RARB: variants seen among roughly 807,000 people sequenced by gnomAD.
RARB encodes retinoic acid receptor beta.
RARB carries 17 observed loss-of-function variants against 51.9 expected under a neutral mutation model. That is an observed-to-expected ratio of 0.33 (90% CI 0.22 to 0.49). The LOEUF (loss-of-function observed/expected upper bound fraction) is 0.49, where lower values mean the gene tolerates loss of function less well. Ranked by LOEUF, RARB falls within the 20% of genes least tolerant of loss-of-function variation. RARB has a pLI of 0.99. For synonymous variants in RARB, 215 were observed against 195.4 expected (o/e 1.10, Z -0.84); for missense variants, 369 against 550.8 (o/e 0.67, Z 3.30).
chr3:25,247,619 C>T (rs551848372), intron 5 of RARB, among the ~76,000 whole-genome samples: 2 of 152,326 alleles, frequency 1.3e-5, no homozygotes, highest in South Asian at 2.1e-4. Flanking sequence ...CAATGCCCCA[C>T]CCTGCTTCTG....
intron 3 of RARB, among the ~76,000 whole-genome samples, chr3:25,068,206 A>T (rs1011811767): frequency 2.1e-5 from 3 of 142,388 alleles, no homozygotes; most frequent in Admixed American, 7.3e-5. Flanking sequence ...ACAGTCAAAA[A>T]ATCTGTCCCC....
intron 5 of RARB, among the ~76,000 whole-genome samples, chr3:25,399,197 T>G (rs2125493045): frequency 6.6e-6 from 1 of 152,354 alleles, no homozygotes; most frequent in African/African-American, 2.4e-5. Context: ...CCCCCTGGGC[T>G]TGCTGGCTTT....
chr3:25,246,995 G>A (rs167734), intron 5 of RARB, among the ~76,000 whole-genome samples: 32,790 of 152,204 alleles, frequency 0.22, 4,061 homozygotes, highest in African/African-American at 0.34. Flanking sequence ...TAGGGCTGCT[G>A]CCTTTCTTTC....
At chr3:25,269,988 A>G (rs1190312008) in intron 5 of RARB, among the ~76,000 whole-genome samples, 2 of 152,182 alleles carry the variant, frequency 1.3e-5, no homozygotes, top group Non-Finnish European at 2.9e-5. Context: ...TATGGCTATT[A>G]TTTGGGGGGC....
At chr3:25,196,840 G>T (rs542816128) in intron 5 of RARB, among the ~76,000 whole-genome samples, 1 of 152,060 alleles carries the variant, frequency 6.6e-6, no homozygotes, top group Non-Finnish European at 1.5e-5. Context: ...GCATTTTTTC[G>T]TGTGTCTTTT....
intron 2 of RARB, among the ~76,000 whole-genome samples, chr3:25,002,760 G>GTATATA (rs1043612962): frequency 1.4e-5 from 2 of 144,938 alleles, no homozygotes; most frequent in African/African-American, 5.2e-5. Context: ...GTGTGTGTGT[G>GTATATA]TATATATATA....
rs1029400412 is a variant in RARB, at chr3:25,428,387, G to C, written c.-345G>C. 8.0e-7 allele frequency: 1 copy of C among 1,257,002 alleles called. No individual in the cohort carries two copies. Among genetic ancestry groups the C allele is most frequent in the African/African-American group, 1.5e-5 (1 of 65,174 alleles). The allele number at this position is 1,257,002 out of a possible 1,614,324, so 77.9% of individuals were successfully genotyped here. A position where few individuals can be genotyped will look rare whatever the true frequency, so the allele number is the denominator to read the frequency against. ...GGGATGCCGAGAACGCGAGCGATCC[G>C]AGCAGGGTTTGTCTGGGCACCGTCG... On this transcript the variant is annotated 5_prime_UTR_variant, in exon 1 of 8. Transcript: ENST00000330688.
At chr3:24,925,655 T>TA (rs34972309) in intron 2 of RARB, among the ~76,000 whole-genome samples, 3,965 of 104,730 alleles carry the variant, frequency 0.038, 97 homozygotes, top group Middle Eastern at 0.052. Flanking sequence ...TTTTTTTTTT[T>TA]AAAAAAAAAA....
intron 1 of RARB, among the ~76,000 whole-genome samples, chr3:24,857,536 T>TG (rs1266378740): frequency 2.6e-5 from 4 of 152,260 alleles, no homozygotes; most frequent in Non-Finnish European, 5.9e-5. Context: ...AAGATGTATT[T>TG]GCTCTTTACC....
chr3:24,987,664 T>G (rs532677787), intron 2 of RARB, among the ~76,000 whole-genome samples: 1 of 152,354 alleles, frequency 6.6e-6, no homozygotes, highest in South Asian at 2.1e-4. Context: ...GAAGATTATT[T>G]AGGTCTAAAT....
intron 5 of RARB, among the ~76,000 whole-genome samples, chr3:25,589,513 A>G (rs1199869482): frequency 6.6e-6 from 1 of 152,180 alleles, no homozygotes; most frequent in East Asian, 1.9e-4. Flanking sequence ...GAAATGAAGG[A>G]TCACTTCAGA....
At chr3:25,220,059 C>A (rs1319364696) in intron 5 of RARB, among the ~76,000 whole-genome samples, 1 of 152,148 alleles carries the variant, frequency 6.6e-6, no homozygotes, top group South Asian at 2.1e-4. Flanking sequence ...GCATCTATAT[C>A]ACCTTACATA....
intron 3 of RARB, among the ~76,000 whole-genome samples, chr3:25,081,451 C>G (rs1241094805): frequency 6.7e-6 from 1 of 149,894 alleles, no homozygotes; most frequent in Non-Finnish European, 1.5e-5. Context: ...TAGTGCTGTT[C>G]AAATATTCTA....
chr3:24,956,619 C>A (rs1017432911), intron 2 of RARB, among the ~76,000 whole-genome samples: 2 of 152,152 alleles, frequency 1.3e-5, no homozygotes, highest in African/African-American at 4.8e-5. Flanking sequence ...GAAGGTAATA[C>A]ATAGATGTGT....
intron 5 of RARB, among the ~76,000 whole-genome samples, chr3:25,285,849 C>T (rs1400993535): frequency 6.6e-6 from 1 of 152,188 alleles, no homozygotes; most frequent in Admixed American, 6.5e-5. Context: ...TGCTACTTGG[C>T]TTTCTCTTTC....
intron 2 of RARB, among the ~76,000 whole-genome samples, chr3:25,041,621 A>C (rs1050188156): frequency 1.3e-5 from 2 of 152,042 alleles, no homozygotes; most frequent in Non-Finnish European, 2.9e-5. Context: ...CCAGCTAAGA[A>C]TGTTTTTTTT....
At chr3:25,022,690 G>C (rs561532992) in intron 2 of RARB, among the ~76,000 whole-genome samples, 3 of 152,160 alleles carry the variant, frequency 2.0e-5, no homozygotes, top group Non-Finnish European at 4.4e-5. Flanking sequence ...AGGGAGGACA[G>C]GGAAGGCTTC....
intron 1 of RARB, among the ~76,000 whole-genome samples, chr3:24,849,994 T>TATCTGCAGGC (rs1702536647): frequency 6.6e-6 from 1 of 152,236 alleles, no homozygotes; most frequent in South Asian, 2.1e-4. Context: ...CACAGACATT[T>TATCTGCAGGC]CTCGCAGTTC....
intron 5 of RARB, among the ~76,000 whole-genome samples, chr3:25,309,284 G>T (rs747404972): frequency 9.4e-5 from 14 of 149,512 alleles, no homozygotes; most frequent in Non-Finnish European, 1.8e-4. Flanking sequence ...ACAGGCACCC[G>T]CCATCATGCC....
Sources: gnomAD v4.1 joint callset for allele counts (sites outside exome capture counted in the v4.1 genomes callset) on GRCh38, gnomAD v4.1.1 for gene constraint, MANE v1.5 for transcripts, NCBI Gene and HGNC (gene_info 2026-07-23, HGNC 2026-07-21) for gene names.